The following NRP1 variants were observed in gnomAD, a reference collection of about 807,000 sequenced individuals.
The protein encoded by NRP1 is neuropilin-1.
Under a neutral mutation model 106.7 loss-of-function variants are expected in NRP1, and 35 were observed. That is an observed-to-expected ratio of 0.33 (90% CI 0.25 to 0.43). The LOEUF (loss-of-function observed/expected upper bound fraction) is 0.43, where lower values mean the gene tolerates loss of function less well. Ranked by LOEUF, NRP1 falls within the 20% of genes least tolerant of loss-of-function variation. NRP1 has a pLI of 1.00. For synonymous variants in NRP1, 437 were observed against 417.9 expected, an observed-to-expected ratio of 1.05 and a Z score of -0.56; for missense variants, 1,024 against 1,170.4, an observed-to-expected ratio of 0.87 and a Z score of 1.83.
chr10:33,226,215 T>C lies in NRP1; in HGVS notation c.1056A>G (p.Lys352=), dbSNP rs1472256823. 1 of 1,614,210 alleles carries C rather than the reference T, an allele frequency of 6.2e-7. No homozygotes were observed. Among genetic ancestry groups the C allele is most frequent in the African/African-American group, 1.3e-5 (1 of 75,048 alleles). Residue 352 remains lysine, a synonymous_variant, in exon 7 of 17, where the codon AAA becomes AAG. Coordinates refer to ENST00000374867, the MANE Select transcript of NRP1 (RefSeq NM_003873.7). ...CGATCTTGTAAGTCTTGACATAATA[T>C]TTCTTCTTGGTTTCTTTTGAAATGG... The part of the protein sequence containing the change: ...QGAISKETKK[K]YYVKTYKIDV...
At chr10:33,200,182 C>T (rs991519424) in intron 11 of NRP1, among the ~76,000 whole-genome samples, 5 of 152,178 alleles carry the variant, frequency 3.3e-5, no homozygotes, top group African/African-American at 4.8e-5. Context: ...GGTGAAAATT[C>T]GCTTTTTAAA....
At chr10:33,305,933 TA>T (rs1402792155) in intron 2 of NRP1, among the ~76,000 whole-genome samples, 1 of 151,922 alleles carries the variant, frequency 6.6e-6, no homozygotes, top group Admixed American at 6.6e-5. Flanking sequence ...CACGCCCGGC[TA>T]ATTTTTGTAT....
chr10:33,181,510 A>G (rs1003034843), intron 16 of NRP1, among the ~76,000 whole-genome samples: 2 of 152,226 alleles, frequency 1.3e-5, no homozygotes, highest in African/African-American at 4.8e-5. Flanking sequence ...ATAAGGGTGC[A>G]GCACCATCCA....
At chr10:33,210,864 A>G (rs1838245037) in intron 9 of NRP1, among the ~76,000 whole-genome samples, 2 of 152,230 alleles carry the variant, frequency 1.3e-5, no homozygotes, top group African/African-American at 4.8e-5. Context: ...AAATCTTGAT[A>G]TGATTAAAAA....
At chr10:33,304,218 T>C (rs1845991952) in intron 2 of NRP1, among the ~76,000 whole-genome samples, 2 of 152,206 alleles carry the variant, frequency 1.3e-5, no homozygotes, top group African/African-American at 4.8e-5. Context: ...TAAAATTCTT[T>C]CTATTTCTGG....
At chr10:33,241,842 T>C (rs1841050031) in intron 6 of NRP1, among the ~76,000 whole-genome samples, 1 of 152,246 alleles carries the variant, frequency 6.6e-6, no homozygotes, top group South Asian at 2.1e-4. Flanking sequence ...TCACTTTGAA[T>C]GATTTTAATA....
chr10:33,194,589 G>A (rs2132642538), intron 12 of NRP1: 1 of 378,458 alleles, frequency 2.6e-6, no homozygotes, highest in South Asian at 2.1e-5. Flanking sequence ...ACCTTCCAAT[G>A]TCCTTCCCCA....
At chr10:33,248,624 AAGCTTCTTCAGC>A (rs1841603700) in intron 6 of NRP1, among the ~76,000 whole-genome samples, 1 of 152,234 alleles carries the variant, frequency 6.6e-6, no homozygotes, top group Non-Finnish European at 1.5e-5. Flanking sequence ...ACATGAAAAC[AAGCTTCTTCAGC>A]AGGTTGGCTC....
chr10:33,314,227 C>T (rs146335846), intron 2 of NRP1, among the ~76,000 whole-genome samples: 27 of 152,136 alleles, frequency 1.8e-4, no homozygotes, highest in South Asian at 4.1e-4. Flanking sequence ...ACTAAGACTA[C>T]GGGCGCATGG....
At chr10:33,232,258 AATTCAG>A (rs1840198191) in intron 6 of NRP1, among the ~76,000 whole-genome samples, 1 of 152,158 alleles carries the variant, frequency 6.6e-6, no homozygotes, top group South Asian at 2.1e-4. Context: ...TTTCCATAAA[AATTCAG>A]ACACACAATA....
intron 6 of NRP1, among the ~76,000 whole-genome samples, chr10:33,230,693 C>T (rs867106287): frequency 2.6e-5 from 4 of 151,966 alleles, no homozygotes; most frequent in Admixed American, 6.6e-5. Context: ...CCCAAACCCT[C>T]TTTCTTTTCT....
At chr10:33,259,824 T>G (rs975363525) in intron 4 of NRP1, among the ~76,000 whole-genome samples, 22 of 152,298 alleles carry the variant, frequency 1.4e-4, no homozygotes, top group African/African-American at 5.3e-4. Context: ...AAAATAAAAG[T>G]GCTGATCTAC....
chr10:33,312,185 C>T (rs1846652657), intron 2 of NRP1, among the ~76,000 whole-genome samples: 1 of 152,084 alleles, frequency 6.6e-6, no homozygotes, highest in Admixed American at 6.5e-5. Context: ...AATCAAGTTT[C>T]CTGTCTGTAA....
In NRP1 at chr10:33,202,364, G is replaced by A. The variant is rs547583416; in HGVS notation, c.1864+527C>T. On this transcript the variant is annotated intron_variant, in intron 11 of 16. Transcript: ENST00000374867. ...GATGCATTTGCTGGTCGGTGGTGAT[G>A]TGAAATAGCAGCTAATTCTGCCTTT... The A allele has an allele frequency of 1.2e-4, 37 of 316,360 alleles. No individual in the cohort carries two copies. In the South Asian group the frequency reaches 1.8e-3, roughly 15 times the overall value. The allele number at this position is 316,360 out of a possible 1,614,324, so 19.6% of individuals were successfully genotyped here. A position where few individuals can be genotyped will look rare whatever the true frequency, so the allele number is the denominator to read the frequency against.
chr10:33,258,418 A>G (rs567887909), intron 4 of NRP1, among the ~76,000 whole-genome samples: 1 of 152,304 alleles, frequency 6.6e-6, no homozygotes, highest in African/African-American at 2.4e-5. Context: ...TCTCTGTTGC[A>G]ACCCCTCACT....
intron 2 of NRP1, among the ~76,000 whole-genome samples, chr10:33,277,525 T>C (rs1480877456): frequency 2.6e-5 from 4 of 152,364 alleles, no homozygotes; most frequent in Admixed American, 2.0e-4. Context: ...TGAGTGGCAA[T>C]GCCCAGCTTC....
rs894483266 is a variant in NRP1, at chr10:33,291,005, G to A, written c.249-20149C>T. On this transcript the variant is annotated intron_variant, in intron 2 of 16. Coordinates refer to ENST00000374867, the MANE Select transcript of NRP1 (RefSeq NM_003873.7). The stretch of plus-strand genomic sequence containing the variant: ...GCCACTGTAGGGGGCAGTGCATAGC[G>A]GGTTGTGGATTAAATACCAAGCCTC... Among the ~76,000 whole-genome samples, 3 of 152,126 alleles carry A rather than the reference G, an allele frequency of 2.0e-5. No individual in the cohort carries two copies. The East Asian group carries it at 5.8e-4, about 29-fold the overall frequency.
intron 10 of NRP1, among the ~76,000 whole-genome samples, chr10:33,206,670 C>G (rs1345280452): frequency 2.6e-5 from 4 of 152,194 alleles, no homozygotes; most frequent in African/African-American, 9.7e-5. Flanking sequence ...TGGATGCCTA[C>G]AATAGTCATT....
intron 6 of NRP1, chr10:33,249,432 T>C (rs979223503): frequency 3.8e-6 from 2 of 522,988 alleles, no homozygotes; most frequent in Admixed American, 2.0e-5. Flanking sequence ...TACGTTATTT[T>C]TATTTTATAG....
Sources: allele counts gnomAD v4.1 joint callset (sites outside exome capture counted in the v4.1 genomes callset), GRCh38; gene constraint gnomAD v4.1.1; transcripts MANE v1.5; gene names NCBI Gene and HGNC (gene_info 2026-07-23, HGNC 2026-07-21).